Variants in ANK2 observed in about 807,000 individuals in gnomAD.
ANK2 encodes the protein ankyrin-2.
Under a neutral mutation model 360.5 loss-of-function variants are expected in ANK2, and 83 were observed. The observed-to-expected ratio is 0.23, with a 90% CI of 0.19 to 0.28. The LOEUF is 0.28. ANK2 is among the 10% of genes least tolerant of loss of function. The pLI is 1.00. For missense variants in ANK2, 4,201 were observed against 4,795.7 expected (o/e 0.88, Z 3.66); for synonymous variants, 1,740 against 1,759.5 (o/e 0.99, Z 0.28).
At chr4:113,340,707 G>A (rs995634784) in intron 32 of ANK2, among the ~76,000 whole-genome samples, 2 of 144,154 alleles carry the variant, frequency 1.4e-5, no homozygotes, top group Non-Finnish European at 3.0e-5. Context: ...ACAAAACAAA[G>A]CAAAAAACAA....
intron 4 of ANK2, among the ~76,000 whole-genome samples, chr4:113,207,762 A>G (rs1291116278): frequency 6.6e-6 from 1 of 152,084 alleles, no homozygotes; most frequent in Non-Finnish European, 1.5e-5. Flanking sequence ...GATTGGAAGT[A>G]ATAATTCACG....
At chr4:112,722,848 C>T in the ANK2 span, among the ~76,000 whole-genome samples, 1 of 152,114 alleles carries the variant, frequency 6.6e-6, no homozygotes, top group South Asian at 2.1e-4. Context: ...CCTGTAGTCC[C>T]ATCTACTTGG....
At chr4:113,280,227 T>G (rs2061763056) in intron 17 of ANK2, among the ~76,000 whole-genome samples, 1 of 152,240 alleles carries the variant, frequency 6.6e-6, no homozygotes, top group East Asian at 1.9e-4. Flanking sequence ...ACGTGTGTTC[T>G]CTTTCCACAA....
upstream of ANK2, among the ~76,000 whole-genome samples, chr4:113,046,145 C>T (rs1044774320): frequency 2.0e-5 from 3 of 152,074 alleles, no homozygotes; most frequent in Non-Finnish European, 2.9e-5. Context: ...GATGACTGCC[C>T]AAACACTTAT....
chr4:113,343,361 G>A (rs2094494043), intron 34 of ANK2, among the ~76,000 whole-genome samples: 1 of 152,066 alleles, frequency 6.6e-6, no homozygotes. Context: ...ATGAGAACAG[G>A]ACAAATAATA....
At chr4:112,973,330 G>A (rs1398339986) in intron 2 of ANK2, among the ~76,000 whole-genome samples, 1 of 152,176 alleles carries the variant, frequency 6.6e-6, no homozygotes, top group Non-Finnish European at 1.5e-5. Context: ...GCGTGGCAGA[G>A]CATTTTTATC....
chr4:112,946,760 AG>A (rs2094569833), intron 2 of ANK2, among the ~76,000 whole-genome samples: 1 of 152,216 alleles, frequency 6.6e-6, no homozygotes, highest in Non-Finnish European at 1.5e-5. Context: ...CAACCTTATG[AG>A]GTAGGTATGA....
chr4:113,022,346 A>G (rs552935233), intron 2 of ANK2, among the ~76,000 whole-genome samples: 16 of 152,296 alleles, frequency 1.1e-4, no homozygotes, highest in African/African-American at 3.1e-4. Flanking sequence ...GGCATTACTT[A>G]TCTACATCAT....
At chr4:113,148,209 T>C (rs2154393293) in intron 1 of ANK2, among the ~76,000 whole-genome samples, 1 of 152,346 alleles carries the variant, frequency 6.6e-6, no homozygotes, top group East Asian at 1.9e-4. Context: ...TTTTGGCTTG[T>C]ATTTTTGTGA....
the ANK2 span, among the ~76,000 whole-genome samples, chr4:112,754,145 ATAT>A: frequency 1.6e-4 from 20 of 125,268 alleles, no homozygotes; most frequent in African/African-American, 5.2e-4. Flanking sequence ...ATATATATAT[ATAT>A]AAAATTGCAT....
intron 1 of ANK2, among the ~76,000 whole-genome samples, chr4:113,126,312 C>T (rs527490321): frequency 6.6e-6 from 1 of 152,286 alleles, no homozygotes; most frequent in African/African-American, 2.4e-5. Flanking sequence ...GCTTAAACCT[C>T]AGCAATTCAC....
intron 15 of ANK2, among the ~76,000 whole-genome samples, chr4:113,276,525 C>T (rs28262): frequency 0.35 from 52,584 of 151,944 alleles, 10,578 homozygotes; most frequent in Non-Finnish European, 0.46. Context: ...TGCAGTTAGC[C>T]TCAAAGAACT....
chr4:112,911,328 C>T (rs1397006061), intron 2 of ANK2, among the ~76,000 whole-genome samples: 7 of 151,230 alleles, frequency 4.6e-5, no homozygotes, highest in Non-Finnish European at 1.0e-4. Flanking sequence ...AGTTAGCCAT[C>T]CTGGCTAACA....
chr4:112,757,237 C>T, the ANK2 span, among the ~76,000 whole-genome samples: 2 of 151,302 alleles, frequency 1.3e-5, no homozygotes, highest in African/African-American at 2.4e-5. Context: ...CTCTGCCTCT[C>T]GAGTAGCTGG....
chr4:113,072,543 G>C (rs1271910202), intron 1 of ANK2, among the ~76,000 whole-genome samples: 3 of 152,170 alleles, frequency 2.0e-5, no homozygotes, highest in Non-Finnish European at 4.4e-5. Flanking sequence ...AAAGTTAGAA[G>C]GAGTCTGTAA....
At chr4:113,036,455 G>A (rs751930676) in intron 2 of ANK2, among the ~76,000 whole-genome samples, 1 of 151,870 alleles carries the variant, frequency 6.6e-6, no homozygotes, top group Non-Finnish European at 1.5e-5. Flanking sequence ...TAAAATCTGA[G>A]TGTGCTGACC....
intron 1 of ANK2, among the ~76,000 whole-genome samples, chr4:113,127,466 G>GTT (rs5861123): frequency 2.1e-5 from 3 of 146,296 alleles, no homozygotes; most frequent in Admixed American, 1.4e-4. Context: ...TTCTTTTTTT[G>GTT]TTTTTTTTTT....
At chr4:113,314,930 T>G (rs993275648) in intron 24 of ANK2, among the ~76,000 whole-genome samples, 1 of 147,670 alleles carries the variant, frequency 6.8e-6, no homozygotes, top group African/African-American at 2.6e-5. Flanking sequence ...GAGACACTCC[T>G]ATATATGGTT....
At chr4:112,997,848 TAC>T (rs746566624) in intron 2 of ANK2, among the ~76,000 whole-genome samples, 1 of 150,734 alleles carries the variant, frequency 6.6e-6, no homozygotes, top group South Asian at 2.1e-4. Flanking sequence ...CATATATATA[TAC>T]ACACACACAT....
Sources: gnomAD v4.1 joint callset for allele counts (sites outside exome capture counted in the v4.1 genomes callset) on GRCh38, gnomAD v4.1.1 for gene constraint, MANE v1.5 for transcripts, NCBI Gene and HGNC (gene_info 2026-07-23, HGNC 2026-07-21) for gene names.